The following LRRC18 variants were observed in gnomAD, a reference collection of about 807,000 sequenced individuals.
LRRC18 encodes leucine-rich repeat-containing protein 18.
Under a neutral mutation model 11.2 loss-of-function variants are expected in LRRC18, and 12 were observed. The observed-to-expected ratio is 1.07, with a 90% CI of 0.69 to 1.74. The LOEUF (loss-of-function observed/expected upper bound fraction) is 1.74. LRRC18 is among the 40% of genes most tolerant of loss of function. The probability of loss-of-function intolerance (pLI) is 0.00; values close to 1 mark genes in which losing one functional copy is unlikely to be tolerated. For missense variants in LRRC18, 374 were observed against 330.5 expected (o/e 1.13, Z -1.02); for synonymous variants, 155 against 130.6 (o/e 1.19, Z -1.27).
chr10:48,928,510 C>T, the LRRC18 span, among the ~76,000 whole-genome samples: 1 of 152,092 alleles, frequency 6.6e-6, no homozygotes, highest in Non-Finnish European at 1.5e-5. Context: ...GACCCTGCAG[C>T]CTAGCGTCCT....
chr10:48,934,746 T>C, the LRRC18 span, among the ~76,000 whole-genome samples: 1 of 152,338 alleles, frequency 6.6e-6, no homozygotes, highest in African/African-American at 2.4e-5. Context: ...CAGTCACAGC[T>C]TAGTTTCCTT....
chr10:48,916,005 T>G (rs1360186394), upstream of LRRC18, among the ~76,000 whole-genome samples: 1 of 152,130 alleles, frequency 6.6e-6, no homozygotes, highest in Non-Finnish European at 1.5e-5. Context: ...GGAGTCCAAG[T>G]CCAGTTAAGA....
the LRRC18 span, among the ~76,000 whole-genome samples, chr10:48,927,180 A>G: frequency 1.3e-5 from 2 of 152,086 alleles, no homozygotes; most frequent in African/African-American, 2.4e-5. Context: ...TGCTGTTGCC[A>G]AACAGCAGCC....
chr10:48,926,356 T>G, the LRRC18 span, among the ~76,000 whole-genome samples: 1 of 152,196 alleles, frequency 6.6e-6, no homozygotes, highest in Non-Finnish European at 1.5e-5. Context: ...AGACACTTGC[T>G]CCAGCCCATT....
Position 48,913,248 on chromosome 10 carries a change from A to G in LRRC18, c.764+144T>C, listed in dbSNP as rs1351370893. On this transcript the variant is annotated intron_variant, in intron 1 of 1. Transcript: ENST00000374160. ...TCAATCAACACAATCACACGCCGAGAAAGTAAGGAAAGGAGTTTTATGGGC... is the reference window on the plus strand; with the variant it reads ...TCAATCAACACAATCACACGCCGAGGAAGTAAGGAAAGGAGTTTTATGGGC... The G allele has an allele frequency of 7.9e-6, 6 of 761,042 alleles. No homozygotes were observed. The African/African-American group carries it at 1.0e-4, about 13-fold the overall frequency. The allele number at this position is 761,042 out of a possible 1,614,324, so 47.1% of individuals were successfully genotyped here.
the LRRC18 span, among the ~76,000 whole-genome samples, chr10:48,922,795 C>T: frequency 1.6e-4 from 25 of 152,284 alleles, no homozygotes; most frequent in African/African-American, 6.0e-4. Context: ...CAAACGTCTA[C>T]ATGAATGGAA....
chr10:48,939,468 G>C, the LRRC18 span, among the ~76,000 whole-genome samples: 1 of 152,202 alleles, frequency 6.6e-6, no homozygotes, highest in African/African-American at 2.4e-5. Context: ...TTTAGATCCA[G>C]GTGTCCCTGA....
chr10:48,929,993 T>C, the LRRC18 span, among the ~76,000 whole-genome samples: 1 of 152,236 alleles, frequency 6.6e-6, no homozygotes, highest in African/African-American at 2.4e-5. Context: ...TTACTTGTTA[T>C]GCTTGCATTT....
upstream of LRRC18, among the ~76,000 whole-genome samples, chr10:48,915,884 G>T (rs143823445): frequency 6.6e-6 from 1 of 152,086 alleles, no homozygotes; most frequent in African/African-American, 2.4e-5. Flanking sequence ...CCCCATTTTC[G>T]GGCATAATTG....
exon 1 of LRRC18, chr10:48,914,016 A>C (rs761885241): frequency 3.1e-6 from 5 of 1,614,220 alleles, no homozygotes; most frequent in South Asian, 1.1e-5. Context: ...ACTAAGGCGC[A>C]GAATACACTT....
chr10:48,938,287 T>C, the LRRC18 span, among the ~76,000 whole-genome samples: 147,354 of 152,366 alleles, frequency 0.97, 71,461 homozygotes, highest in East Asian at 1. Context: ...GCAGGCCCTC[T>C]GTAGTTGTCT....
exon 2 of LRRC18, chr10:48,910,071 G>C: frequency 1.5e-6 from 1 of 649,374 alleles, no homozygotes; most frequent in East Asian, 2.7e-5. Flanking sequence ...AGCTAAGGGA[G>C]GTGAAGTGAA....
the LRRC18 span, among the ~76,000 whole-genome samples, chr10:48,937,678 T>C: frequency 2.0e-5 from 3 of 152,228 alleles, no homozygotes; most frequent in Non-Finnish European, 4.4e-5. Flanking sequence ...TGTATGCAGA[T>C]TTTCCACGTT....
chr10:48,923,707 T>A, the LRRC18 span, among the ~76,000 whole-genome samples: 151,613 of 152,000 alleles, frequency 1, 75,615 homozygotes, highest in Non-Finnish European at 1. Flanking sequence ...TAAACAGTAA[T>A]CAGGCCCAGT....
At chr10:48,915,923 A>G (rs748830833), upstream of LRRC18, among the ~76,000 whole-genome samples, 29 of 152,180 alleles carry the variant, frequency 1.9e-4, no homozygotes, top group Non-Finnish European at 4.0e-4. Context: ...CACCATGTTC[A>G]CCAATACTGA....
chr10:48,930,047 A>G, the LRRC18 span, among the ~76,000 whole-genome samples: 1 of 151,846 alleles, frequency 6.6e-6, no homozygotes, highest in African/African-American at 2.4e-5. Flanking sequence ...CCCAAGACAC[A>G]TGGCCTGTCT....
the LRRC18 span, among the ~76,000 whole-genome samples, chr10:48,931,970 G>C: frequency 6.6e-6 from 1 of 152,188 alleles, no homozygotes; most frequent in Admixed American, 6.5e-5. Flanking sequence ...TCCCTTTCCT[G>C]CTGTGCCTGA....
the LRRC18 span, among the ~76,000 whole-genome samples, chr10:48,922,172 A>C: frequency 1.3e-5 from 2 of 152,198 alleles, no homozygotes; most frequent in Non-Finnish European, 2.9e-5. Context: ...TAAATGGAAA[A>C]CCCCAGAAAT....
chr10:48,912,832 G>C (rs1838130012), intron 1 of LRRC18, among the ~76,000 whole-genome samples: 1 of 152,224 alleles, frequency 6.6e-6, no homozygotes, highest in African/African-American at 2.4e-5. Context: ...AGAAAACATT[G>C]CTTTGGGCCT....
Sources: allele counts gnomAD v4.1 joint callset (sites outside exome capture counted in the v4.1 genomes callset), GRCh38; gene constraint gnomAD v4.1.1; transcripts MANE v1.5; gene names NCBI Gene and HGNC (gene_info 2026-07-23, HGNC 2026-07-21).